KLF17: variants seen among roughly 807,000 people sequenced by gnomAD.
KLF17 encodes Krueppel-like factor 17.
A neutral mutation model predicts 34.2 loss-of-function variants in KLF17; 31 were observed. That is an observed-to-expected ratio of 0.91 (90% CI 0.68 to 1.22). The LOEUF (loss-of-function observed/expected upper bound fraction) is 1.22. Ranked by LOEUF, KLF17 falls within the 50% of genes most tolerant of loss-of-function variation. KLF17 has a pLI of 0.00. For synonymous variants in KLF17, 179 were observed against 186.7 expected (o/e 0.96, Z 0.34); for missense variants, 478 against 505.2 (o/e 0.95, Z 0.52).
At chr1:44,048,434 G>C in the KLF17 span, 1 of 152,136 alleles carries the variant, frequency 6.6e-6, no homozygotes, top group African/African-American at 2.4e-5. Flanking sequence ...GAAATAAAAG[G>C]GCTTTATGGG....
At position 44,130,626 on chromosome 1, in the gene KLF17, AG is replaced by A; in HGVS notation, c.1041del (p.Gln347HisfsTer7). On this transcript the variant is annotated frameshift_variant, in exon 3 of 4. Transcript: ENST00000372299. LOFTEE classifies it high-confidence loss of function. ...AGATATCGACCATATAAATGTGATC[AG>A]TGCAGCCGGGAGTTCATGAGGTCTG... ...HTRYRPYKCD[Q>X]CSREFMRSDH... The A allele has an allele frequency of 6.2e-7, 1 of 1,614,122 alleles. No homozygotes were observed. Among genetic ancestry groups the A allele is most frequent in the Non-Finnish European group, 8.5e-7 (1 of 1,180,020 alleles).
chr1:44,086,569 C>T, the KLF17 span, among the ~76,000 whole-genome samples: 1 of 152,130 alleles, frequency 6.6e-6, no homozygotes, highest in African/African-American at 2.4e-5. Context: ...AAAGCTTAGC[C>T]TTTGCCTTTT....
upstream of KLF17, among the ~76,000 whole-genome samples, chr1:44,117,885 T>C (rs1354126425): frequency 6.6e-6 from 1 of 152,214 alleles, no homozygotes; most frequent in African/African-American, 2.4e-5. Context: ...TAAAAACATA[T>C]ATCAGATCAC....
chr1:44,122,754 C>T (rs1205281497), intron 1 of KLF17, among the ~76,000 whole-genome samples: 3 of 152,116 alleles, frequency 2.0e-5, no homozygotes, highest in South Asian at 2.1e-4. Flanking sequence ...TGCACCACCA[C>T]GCCCGGCTAC....
the KLF17 span, chr1:44,103,286 G>A: frequency 1.4e-6 from 1 of 711,186 alleles, no homozygotes; most frequent in South Asian, 1.5e-5. Flanking sequence ...GGGCAGGCTG[G>A]GAGGGGCTGC....
the KLF17 span, chr1:44,103,740 A>G: frequency 3.8e-6 from 5 of 1,311,040 alleles, no homozygotes; most frequent in Non-Finnish European, 5.5e-6. Flanking sequence ...GGCACCCTTA[A>G]CTGCCAGCTC....
At chr1:44,087,811 A>AACAC in the KLF17 span, 1 of 134,754 alleles carries the variant, frequency 7.4e-6, no homozygotes, top group Non-Finnish European at 1.6e-5. Context: ...CGCATATATA[A>AACAC]ACACACACAC....
intron 1 of KLF17, among the ~76,000 whole-genome samples, chr1:44,127,647 T>TTTCTTTCA (rs2088029947): frequency 1.9e-5 from 1 of 53,126 alleles, no homozygotes; most frequent in African/African-American, 8.9e-5. Flanking sequence ...TCCTTCTTTC[T>TTTCTTTCA]TTCTTTCTTT....
chr1:44,131,356 G>A (rs943856954), intron 3 of KLF17, among the ~76,000 whole-genome samples: 5 of 152,146 alleles, frequency 3.3e-5, no homozygotes, highest in African/African-American at 7.2e-5. Context: ...ATTTCTTGTC[G>A]CTCCCCAGCT....
the KLF17 span, chr1:44,104,332 T>G: frequency 9.9e-6 from 12 of 1,211,196 alleles, no homozygotes; most frequent in Admixed American, 2.2e-4. Context: ...AGCTGCCGCC[T>G]AAGGTTGTTG....
Position 44,134,104 on chromosome 1 carries a change from C to T in KLF17, c.*867C>T, listed in dbSNP as rs1487444254. Reference sequence around the variant, plus strand: ...ATGAGAGGCCTGCTTGGTGACCTAGCATTTTCACCAAGAAGTGGACGTGGA... The same window carrying T: ...ATGAGAGGCCTGCTTGGTGACCTAGTATTTTCACCAAGAAGTGGACGTGGA... On this transcript the variant is annotated 3_prime_UTR_variant, in exon 4 of 4. Transcript: ENST00000372299. The T allele has an allele frequency of 6.6e-6, 1 of 152,238 alleles. No homozygotes were observed. Among genetic ancestry groups the T allele is most frequent in the Non-Finnish European group, 1.5e-5 (1 of 68,108 alleles). The allele number at this position is 152,238 out of a possible 1,614,324, so 9.4% of individuals were successfully genotyped here.
chr1:44,045,563 A>G, the KLF17 span, among the ~76,000 whole-genome samples: 1 of 152,156 alleles, frequency 6.6e-6, no homozygotes, highest in Non-Finnish European at 1.5e-5. Context: ...GGGGCTTGAC[A>G]TCACCATGAT....
the KLF17 span, among the ~76,000 whole-genome samples, chr1:44,099,893 GAAA>G: frequency 1.3e-4 from 8 of 62,484 alleles, no homozygotes; most frequent in African/African-American, 3.2e-4. Flanking sequence ...AAGAAAGAAA[GAAA>G]GAAAGAAAGA....
At chr1:44,129,255 G>C (rs1482909020) in intron 1 of KLF17, 98 bp from the exon 2 acceptor site, 2 of 1,376,874 alleles carry the variant, frequency 1.5e-6, no homozygotes, top group Non-Finnish European at 1.9e-6. Flanking sequence ...GCAAGAGATG[G>C]AAATAGAGGG....
At chr1:44,105,522 G>A in the KLF17 span, 4 of 152,096 alleles carry the variant, frequency 2.6e-5, no homozygotes, top group Non-Finnish European at 5.9e-5. Flanking sequence ...AAGGTGAGTG[G>A]CCACTGCTTC....
chr1:44,046,508 G>A, the KLF17 span, among the ~76,000 whole-genome samples: 4 of 148,760 alleles, frequency 2.7e-5, no homozygotes, highest in Non-Finnish European at 5.9e-5. Flanking sequence ...GGCATGGTCT[G>A]CCACGCCCAA....
chr1:44,101,181 T>C, the KLF17 span, among the ~76,000 whole-genome samples: 1 of 152,284 alleles, frequency 6.6e-6, no homozygotes, highest in Admixed American at 6.5e-5. Flanking sequence ...ATTTGCTCTA[T>C]CTACCTACCT....
At chr1:44,081,789 C>T in the KLF17 span, among the ~76,000 whole-genome samples, 1 of 152,056 alleles carries the variant, frequency 6.6e-6, no homozygotes, top group Admixed American at 6.6e-5. Context: ...GTTTCAGGCT[C>T]CTAGAGATTT....
the KLF17 span, among the ~76,000 whole-genome samples, chr1:44,057,337 G>A: frequency 5.5e-4 from 84 of 152,246 alleles, no homozygotes; most frequent in South Asian, 4.1e-4. Context: ...AAAGAAAGGA[G>A]AACGTTAACA....
Sources: gnomAD v4.1 joint callset for allele counts (sites outside exome capture counted in the v4.1 genomes callset) on GRCh38, gnomAD v4.1.1 for gene constraint, MANE v1.5 for transcripts, NCBI Gene and HGNC (gene_info 2026-07-23, HGNC 2026-07-21) for gene names.